The following NCOA3 variants were observed in gnomAD, a reference collection of about 807,000 sequenced individuals.
NCOA3 encodes CBP-interacting protein.
In NCOA3, 51 loss-of-function variants were observed where a neutral mutation model predicts 158.8. The observed-to-expected ratio is 0.32, with a 90% CI of 0.26 to 0.41. NCOA3 has a LOEUF of 0.41. NCOA3 is among the 10% of genes least tolerant of loss of function. The pLI, the probability that NCOA3 is intolerant of heterozygous loss-of-function variation, is 1.00. For missense variants in NCOA3, 1,510 were observed against 1,746.6 expected, an observed-to-expected ratio of 0.86 and a Z score of 2.41; for synonymous variants, 537 against 592.4, an observed-to-expected ratio of 0.91 and a Z score of 1.36.
rs2086838041 is a variant in NCOA3, at chr20:47,654,093, C to CA, written c.*677dup. The CA allele has an allele frequency of 6.5e-6, 1 of 152,718 alleles. No individual in the cohort carries two copies. The highest frequency in any genetic ancestry group is 2.4e-5 in the African/African-American group (1 of 41,452). 9.5% of individuals were successfully genotyped at this position (152,718 alleles called of 1,614,324 possible). ...ATGAGATGACAGTATTTAATCGCAG[C>CA]AGTAGCAAACTTTTCACATGCTAAT... On this transcript the variant is annotated 3_prime_UTR_variant, in exon 23 of 23. Coordinates refer to ENST00000371998, the MANE Select transcript of NCOA3 (RefSeq NM_181659.3).
intron 2 of NCOA3, among the ~76,000 whole-genome samples, chr20:47,619,876 A>G (rs979952341): frequency 6.7e-6 from 1 of 150,322 alleles, no homozygotes; most frequent in African/African-American, 2.4e-5. Context: ...GCTCACTGCA[A>G]CCTCCGCCTT....
intron 5 of NCOA3, 101 bp downstream of exon 5, chr20:47,625,582 AAAAG>A: frequency 1.3e-6 from 1 of 798,140 alleles, no homozygotes; most frequent in African/African-American, 1.8e-5. Flanking sequence ...AATGAGAACA[AAAAG>A]AAAACATTTT....
intron 2 of NCOA3, among the ~76,000 whole-genome samples, chr20:47,599,719 C>T (rs2085826265): frequency 6.6e-6 from 1 of 152,172 alleles, no homozygotes; most frequent in Non-Finnish European, 1.5e-5. Flanking sequence ...GCACTCACTT[C>T]AAATTTTAAA....
intron 2 of NCOA3, among the ~76,000 whole-genome samples, chr20:47,585,210 TC>T (rs2085517811): frequency 6.6e-6 from 1 of 151,922 alleles, no homozygotes; most frequent in Admixed American, 6.6e-5. Context: ...CACGGCCACA[TC>T]CGGCTAAGTT....
chr20:47,531,339 TCAAA>T (rs10664468), intron 1 of NCOA3, among the ~76,000 whole-genome samples: 2,306 of 150,566 alleles, frequency 0.015, 33 homozygotes, highest in Non-Finnish European at 0.021. Flanking sequence ...CGAGACTATC[TCAAA>T]CAAACAAACA....
In NCOA3 at chr20:47,548,803, AC is replaced by A. The variant is rs1262747369; in HGVS notation, c.-98-34379del. 2.6e-5 allele frequency among the ~76,000 whole-genome samples: 4 copies of A among 152,188 alleles called. 1 individual carries two copies. The highest frequency in any genetic ancestry group is 9.6e-5 in the African/African-American group (4 of 41,536). ...CTGTGTAGTCTCCCCAAGAAGGGCC[AC>A]TCTGTTCTGCGTACTGCTGTTAGGC... On this transcript the variant is annotated intron_variant, in intron 1 of 22. Transcript: ENST00000371998.
At chr20:47,643,887 T>G (rs2086648254) in intron 17 of NCOA3, among the ~76,000 whole-genome samples, 1 of 151,506 alleles carries the variant, frequency 6.6e-6, no homozygotes, top group Admixed American at 6.6e-5. Flanking sequence ...CTTTCTGATT[T>G]TGATTCATTT....
intron 20 of NCOA3, 25 bp from the exon 21 acceptor site, chr20:47,652,381 A>C: frequency 1.9e-6 from 3 of 1,571,498 alleles, no homozygotes; most frequent in Non-Finnish European, 2.6e-6. Context: ...GGGCATTTTT[A>C]TTTCTTCTGT....
chr20:47,650,794 C>T (rs1247756508), intron 19 of NCOA3, among the ~76,000 whole-genome samples, 188 bp from the exon 20 acceptor site: 5 of 151,662 alleles, frequency 3.3e-5, no homozygotes, highest in Non-Finnish European at 4.4e-5. Context: ...ACCTGGGAGA[C>T]GAAGGTTGCT....
intron 1 of NCOA3, among the ~76,000 whole-genome samples, chr20:47,542,009 G>GTTTTTTTGCTTTTT (rs71183262): frequency 8.9e-5 from 5 of 56,318 alleles, no homozygotes; most frequent in African/African-American, 3.0e-4. Flanking sequence ...GCCCTGTAGA[G>GTTTTTTTGCTTTTT]TTTTTTTTTT....
chr20:47,622,440 C>G, intron 3 of NCOA3, 110 bp downstream of exon 3: 1 of 706,668 alleles, frequency 1.4e-6, no homozygotes, highest in South Asian at 2.3e-5. Context: ...TTGGTGGTTT[C>G]ACTTCGTGGT....
At chr20:47,560,758 CTT>C (rs998545032) in intron 1 of NCOA3, among the ~76,000 whole-genome samples, 2 of 151,806 alleles carry the variant, frequency 1.3e-5, no homozygotes, top group Admixed American at 1.3e-4. Flanking sequence ...TTGAAGAGCT[CTT>C]TATATATTTT....
chr20:47,547,841 G>T (rs1202379628), intron 1 of NCOA3, among the ~76,000 whole-genome samples: 1 of 151,958 alleles, frequency 6.6e-6, no homozygotes, highest in East Asian at 1.9e-4. Context: ...TTAGCCTCCC[G>T]AGTAGCTAGG....
At chr20:47,532,414 C>T (rs1001174531) in intron 1 of NCOA3, among the ~76,000 whole-genome samples, 1 of 151,882 alleles carries the variant, frequency 6.6e-6, no homozygotes, top group African/African-American at 2.4e-5. Context: ...TGAGAGGTAA[C>T]AGTGAGGCCT....
intron 20 of NCOA3, 31 bp downstream of exon 20, chr20:47,651,307 C>T: frequency 1.9e-6 from 3 of 1,577,946 alleles, no homozygotes; most frequent in Non-Finnish European, 2.6e-6. Flanking sequence ...GTGCCTTCCC[C>T]AAGTTAACAT....
chr20:47,511,550 T>TATATACATATACAC (rs1556556371), intron 1 of NCOA3, among the ~76,000 whole-genome samples: 1 of 52,270 alleles, frequency 1.9e-5, no homozygotes, highest in Non-Finnish European at 4.0e-5. Context: ...TATATATATA[T>TATATACATATACAC]ATATATTTCT....
chr20:47,626,070 A>G (rs1234344861), intron 5 of NCOA3, among the ~76,000 whole-genome samples: 3 of 152,260 alleles, frequency 2.0e-5, no homozygotes, highest in Non-Finnish European at 4.4e-5. Flanking sequence ...ATACTGGGGT[A>G]TGATGACTGT....
intron 1 of NCOA3, among the ~76,000 whole-genome samples, chr20:47,529,085 C>A (rs1023287060): frequency 6.7e-6 from 1 of 150,058 alleles, no homozygotes; most frequent in Admixed American, 6.7e-5. Context: ...TTTTTTCTTA[C>A]TCAGGGTGAT....
intron 8 of NCOA3, among the ~76,000 whole-genome samples, chr20:47,631,781 C>G (rs1030936329): frequency 6.6e-6 from 1 of 152,130 alleles, no homozygotes; most frequent in Non-Finnish European, 1.5e-5. Context: ...TATTTTTTCC[C>G]TTTACACGAA....
Sources: allele counts gnomAD v4.1 joint callset (sites outside exome capture counted in the v4.1 genomes callset), GRCh38; gene constraint gnomAD v4.1.1; transcripts MANE v1.5; gene names NCBI Gene and HGNC (gene_info 2026-07-23, HGNC 2026-07-21).